TTLL5: variants seen among roughly 807,000 people sequenced by gnomAD.
TTLL5 encodes the protein tubulin polyglutamylase TTLL5.
TTLL5 carries 132 observed loss-of-function variants against 168.4 expected under a neutral mutation model. The ratio of observed to expected loss-of-function variants is 0.78; its 90% CI spans 0.68 to 0.91. TTLL5 has a LOEUF of 0.91. Among genes scored for constraint, TTLL5 ranks in the 40% least tolerant of loss-of-function variants. The pLI is 0.00. For missense variants in TTLL5, 1,545 were observed against 1,581.5 expected (o/e 0.98, Z 0.39); for synonymous variants, 546 against 558.6 (o/e 0.98, Z 0.32).
chr14:75,894,061 G>A (rs973100986), intron 30 of TTLL5, among the ~76,000 whole-genome samples: 3 of 152,132 alleles, frequency 2.0e-5, no homozygotes, highest in Non-Finnish European at 4.4e-5. Flanking sequence ...AGATAACAAA[G>A]ATAAGATACA....
At chr14:75,889,067 AT>A (rs1453730750) in intron 30 of TTLL5, among the ~76,000 whole-genome samples, 6 of 152,238 alleles carry the variant, frequency 3.9e-5, no homozygotes, top group Non-Finnish European at 8.8e-5. Flanking sequence ...AGTAGAGAGC[AT>A]CTGTGTGGAG....
chr14:75,946,974 C>G, intron 31 of TTLL5, among the ~76,000 whole-genome samples: 1 of 152,100 alleles, frequency 6.6e-6, no homozygotes. Flanking sequence ...TCATGTTGCA[C>G]GAGAGAGCAG....
rs1888015196 is a variant in TTLL5 at position 75,723,971 on chromosome 14, C to G, written c.1042+3268C>G. 2.0e-5 allele frequency among the ~76,000 whole-genome samples: 3 copies of G among 150,970 alleles called. No homozygotes were observed. The South Asian group carries it at 6.2e-4, about 31-fold the overall frequency. The stretch of plus-strand genomic sequence containing the variant: ...TGTATGAGTCTCTGCCTCCCACTGA[C>G]TCCTAACTTCCCCTGGGGTTTAAGT... On this transcript the variant is annotated intron_variant, in intron 12 of 31. Coordinates refer to ENST00000298832, the MANE Select transcript of TTLL5 (RefSeq NM_015072.5).
chr14:75,820,612 AC>A (rs369758038), intron 28 of TTLL5: 10 of 154,318 alleles, frequency 6.5e-5, no homozygotes, highest in African/African-American at 2.2e-4. Flanking sequence ...GTTTCATATA[AC>A]TGAACTCAAA....
intron 31 of TTLL5, among the ~76,000 whole-genome samples, chr14:75,924,694 G>A (rs1448964400): frequency 6.6e-6 from 1 of 151,962 alleles, no homozygotes; most frequent in Non-Finnish European, 1.5e-5. Flanking sequence ...CCTCTACACA[G>A]ACACGGCAAC....
chr14:75,678,292 TTC>T (rs1267551249), intron 3 of TTLL5, among the ~76,000 whole-genome samples: 1 of 152,246 alleles, frequency 6.6e-6, no homozygotes, highest in Non-Finnish European at 1.5e-5. Flanking sequence ...CCATATTTGC[TTC>T]TCTCTTTCTG....
At chr14:75,702,509 TG>T (rs1359974437) in intron 7 of TTLL5, among the ~76,000 whole-genome samples, 8 of 152,238 alleles carry the variant, frequency 5.3e-5, no homozygotes, top group African/African-American at 1.9e-4. Context: ...CCAGCTCATC[TG>T]GGACTTTTTT....
At chr14:75,939,570 A>G (rs1467593903) in intron 31 of TTLL5, among the ~76,000 whole-genome samples, 1 of 152,088 alleles carries the variant, frequency 6.6e-6, no homozygotes, top group Non-Finnish European at 1.5e-5. Flanking sequence ...TTTTATTTTT[A>G]GTAGAGATGA....
At chr14:75,793,406 T>C (rs1371939749) in intron 27 of TTLL5, among the ~76,000 whole-genome samples, 1 of 152,248 alleles carries the variant, frequency 6.6e-6, no homozygotes, top group Non-Finnish European at 1.5e-5. Flanking sequence ...ATAAGTTCTT[T>C]TCTTTGGTAA....
At chr14:75,945,355 C>G (rs1012674617) in intron 31 of TTLL5, among the ~76,000 whole-genome samples, 3 of 151,700 alleles carry the variant, frequency 2.0e-5, no homozygotes, top group South Asian at 2.1e-4. Context: ...CCACTAGGCT[C>G]AAGTGATTCT....
At chr14:75,843,810 A>G (rs1181224678) in intron 28 of TTLL5, among the ~76,000 whole-genome samples, 3 of 150,302 alleles carry the variant, frequency 2.0e-5, no homozygotes, top group Non-Finnish European at 3.0e-5. Flanking sequence ...TGTTTTTAGA[A>G]GTCATCTTTG....
chr14:75,862,103 T>A (rs148460268), intron 28 of TTLL5, among the ~76,000 whole-genome samples: 18 of 152,348 alleles, frequency 1.2e-4, no homozygotes, highest in African/African-American at 4.3e-4. Context: ...TGGCATCATA[T>A]AATATTTGTT....
At chr14:75,672,399 C>T (rs1883817634) in intron 3 of TTLL5, among the ~76,000 whole-genome samples, 1 of 152,122 alleles carries the variant, frequency 6.6e-6, no homozygotes, top group African/African-American at 2.4e-5. Flanking sequence ...GCGTCCACCA[C>T]CATGCCCGGC....
intron 26 of TTLL5, among the ~76,000 whole-genome samples, chr14:75,784,154 A>G (rs1288248413): frequency 6.6e-6 from 1 of 152,164 alleles, no homozygotes. Context: ...ATCATCTCCA[A>G]AAGAAACCCC....
intron 29 of TTLL5, among the ~76,000 whole-genome samples, chr14:75,868,419 A>G (rs2030716242): frequency 6.6e-6 from 1 of 152,188 alleles, no homozygotes; most frequent in African/African-American, 2.4e-5. Flanking sequence ...GGTAGGAGAA[A>G]ACTGTGCGTC....
chr14:75,811,809 T>C (rs1894058951), intron 27 of TTLL5, among the ~76,000 whole-genome samples: 1 of 152,202 alleles, frequency 6.6e-6, no homozygotes, highest in Non-Finnish European at 1.5e-5. Context: ...TCTGGGTGGA[T>C]GGTGGGTATC....
intron 28 of TTLL5, among the ~76,000 whole-genome samples, chr14:75,825,978 T>C (rs1895107177): frequency 6.6e-6 from 1 of 151,590 alleles, no homozygotes. Flanking sequence ...AGCTGAGTGC[T>C]GTCAGTGTTT....
At chr14:75,834,456 C>G (rs1895764609) in intron 28 of TTLL5, among the ~76,000 whole-genome samples, 2 of 152,244 alleles carry the variant, frequency 1.3e-5, no homozygotes, top group Non-Finnish European at 2.9e-5. Context: ...CATCTTTATA[C>G]CTATGTTTTC....
chr14:75,801,351 A>C (rs1405229971), intron 27 of TTLL5, among the ~76,000 whole-genome samples: 1 of 152,160 alleles, frequency 6.6e-6, no homozygotes, highest in African/African-American at 2.4e-5. Flanking sequence ...CACGCAGCCA[A>C]CAAGGCCAAT....
Sources: allele counts gnomAD v4.1 joint callset (sites outside exome capture counted in the v4.1 genomes callset), GRCh38; gene constraint gnomAD v4.1.1; transcripts MANE v1.5; gene names NCBI Gene and HGNC (gene_info 2026-07-23, HGNC 2026-07-21).